The following PTPN21 variants were observed in gnomAD, a reference collection of about 807,000 sequenced individuals.
PTPN21 encodes the protein tyrosine-protein phosphatase non-receptor type 21.
PTPN21 carries 77 observed loss-of-function variants against 131.8 expected under a neutral mutation model. That is an observed-to-expected ratio of 0.58 (90% confidence interval 0.49 to 0.71). The LOEUF (loss-of-function observed/expected upper bound fraction) is 0.71, where lower values mean the gene tolerates loss of function less well. Among genes scored for constraint, PTPN21 ranks in the 30% least tolerant of loss-of-function variants. The pLI is 0.00. For missense variants in PTPN21, 1,552 were observed against 1,527.1 expected (o/e 1.02, Z -0.27); for synonymous variants, 715 against 621.3 (o/e 1.15, Z -2.24).
intron 3 of PTPN21, 85 bp from the exon 4 acceptor site, chr14:88,508,105 G>T: frequency 1.5e-6 from 1 of 663,250 alleles, no homozygotes; most frequent in Non-Finnish European, 2.4e-6. Flanking sequence ...TGGTAGAGAA[G>T]CATAAACCAG....
chr14:88,528,934 G>A (rs919863058), intron 2 of PTPN21, among the ~76,000 whole-genome samples: 9 of 152,062 alleles, frequency 5.9e-5, no homozygotes, highest in African/African-American at 2.4e-5. Context: ...GAATAGAGAC[G>A]GTTTGACTTC....
Position 88,503,669 on chromosome 14 carries a change from G to A in PTPN21, c.587+756C>T, listed in dbSNP as rs1386325691. On this transcript the variant is annotated intron_variant, in intron 6 of 18. Coordinates refer to ENST00000556564, the MANE Select transcript of PTPN21 (RefSeq NM_007039.4). ...CCGTATGCTAACATAAGTGTTCTGA[G>A]AACACGTAGGGTAGGTTAGGGTAAG... 3.3e-5 allele frequency among the ~76,000 whole-genome samples: 5 copies of A among 152,230 alleles called. No individual in the cohort carries two copies. The East Asian group carries it at 9.7e-4, about 29-fold the overall frequency.
At chr14:88,477,386 T>A (rs371330599) in intron 13 of PTPN21, among the ~76,000 whole-genome samples, 1 of 137,702 alleles carries the variant, frequency 7.3e-6, no homozygotes, top group Non-Finnish European at 1.5e-5. Context: ...GAGGCAGAGG[T>A]TGCAGTGAAC....
In PTPN21 at chr14:88,531,177, C is replaced by T. The variant is rs190192749; in HGVS notation, c.181-13916G>A. Among the ~76,000 whole-genome samples the T allele has an allele frequency of 1.2e-4, 19 of 152,200 alleles. No individual in the cohort carries two copies. In the East Asian group the frequency reaches 3.7e-3, roughly 29 times the overall value. On this transcript the variant is annotated intron_variant, in intron 2 of 18. Coordinates refer to ENST00000556564, the MANE Select transcript of PTPN21 (RefSeq NM_007039.4). ...AAATAAATGGAAATTAAATAATATG[C>T]TCCTGAATAATTTTGAATCAACAAC...
At position 88,479,545 on chromosome 14, in the gene PTPN21, T is replaced by TGGCGCGC. The variant is rs762631619; in HGVS notation, c.1879_1885dup (p.His629ArgfsTer72). The stretch of plus-strand genomic sequence containing the variant: ...GCTGTTCCGTTTGTGCAGCTGCGCG[T>TGGCGCGC]GGCGCGCGGCGGTGAGGGGCTCGCT... On this transcript the variant is annotated frameshift_variant, in exon 13 of 19. Coordinates refer to ENST00000556564, the MANE Select transcript of PTPN21 (RefSeq NM_007039.4). LOFTEE classifies it high-confidence loss of function. 6.9e-6 allele frequency: 11 copies of TGGCGCGC among 1,599,522 alleles called. No homozygotes were observed. Among genetic ancestry groups the TGGCGCGC allele is most frequent in the African/African-American group, 1.3e-5 (1 of 75,000 alleles).
chr14:88,495,210 TA>T (rs1428130914), intron 10 of PTPN21, among the ~76,000 whole-genome samples: 1 of 151,986 alleles, frequency 6.6e-6, no homozygotes, highest in East Asian at 1.9e-4. Context: ...ACACGAGTGG[TA>T]AAAATGGTCA....
chr14:88,532,530 G>A (rs1005593037), intron 2 of PTPN21, among the ~76,000 whole-genome samples: 1 of 152,164 alleles, frequency 6.6e-6, no homozygotes, highest in African/African-American at 2.4e-5. Context: ...AAATGTGTTT[G>A]AGCAATCAAA....
rs1163999762 is a variant in PTPN21 at position 88,550,631 on chromosome 14, G to T, written c.-202-12C>A. On this transcript the variant is annotated splice_polypyrimidine_tract_variant and intron_variant, in intron 1 of 18. Coordinates refer to ENST00000556564, the MANE Select transcript of PTPN21 (RefSeq NM_007039.4). ...CATTGACGCCAGCGCTGGGGAAAGA[G>T]GAACGCCGTTAGTTAAGCAAACGTA... 4.2e-5 allele frequency: 21 copies of T among 497,266 alleles called. No homozygotes were observed. The highest frequency in any genetic ancestry group is 7.1e-5 in the Non-Finnish European group (20 of 282,794). 30.8% of individuals were successfully genotyped at this position (497,266 alleles called of 1,614,324 possible).
intron 13 of PTPN21, among the ~76,000 whole-genome samples, chr14:88,478,012 G>C (rs2077574009): frequency 6.6e-6 from 1 of 152,146 alleles, no homozygotes; most frequent in Admixed American, 6.6e-5. Flanking sequence ...CTAAGTATGG[G>C]TTTAAAATTC....
intron 15 of PTPN21, among the ~76,000 whole-genome samples, chr14:88,470,953 C>T (rs931868260): frequency 1.3e-5 from 2 of 152,184 alleles, no homozygotes; most frequent in Non-Finnish European, 2.9e-5. Flanking sequence ...CTATCAAATT[C>T]TTTCCTCTAT....
intron 2 of PTPN21, among the ~76,000 whole-genome samples, chr14:88,531,681 C>T (rs2078557283): frequency 6.6e-6 from 1 of 152,010 alleles, no homozygotes; most frequent in Admixed American, 6.6e-5. Flanking sequence ...TGAAAGAGCA[C>T]ACAGACAATC....
intron 15 of PTPN21, 104 bp downstream of exon 15, chr14:88,472,140 T>C (rs2077481035): frequency 1.3e-5 from 9 of 697,554 alleles, no homozygotes; most frequent in Non-Finnish European, 2.2e-5. Flanking sequence ...AAAAATAAAT[T>C]TTAAAATATC....
Position 88,525,044 on chromosome 14 carries a change from A to G in PTPN21, c.181-7783T>C, listed in dbSNP as rs181821905. On this transcript the variant is annotated intron_variant, in intron 2 of 18. Coordinates refer to ENST00000556564, the MANE Select transcript of PTPN21 (RefSeq NM_007039.4). ...GACTGCTTGAGCTCAGAAGTTTGAG[A>G]CAATCGTGGACAACATAGTGAAACT... 1.1e-3 allele frequency among the ~76,000 whole-genome samples: 173 copies of G among 152,184 alleles called. 4 individuals are homozygous for G. Among genetic ancestry groups the G allele is most frequent in the African/African-American group, 3.9e-3 (164 of 41,522 alleles).
chr14:88,507,353 T>C (rs746298900), intron 4 of PTPN21, among the ~76,000 whole-genome samples: 5 of 152,182 alleles, frequency 3.3e-5, no homozygotes, highest in Non-Finnish European at 5.9e-5. Flanking sequence ...ATTTTGTCAC[T>C]GTGCAAACAT....
intron 3 of PTPN21, among the ~76,000 whole-genome samples, chr14:88,508,393 C>T (rs991690747): frequency 2.6e-5 from 4 of 152,050 alleles, no homozygotes; most frequent in African/African-American, 9.7e-5. Context: ...TCAGGCAATC[C>T]TAGTGCTTGG....
At chr14:88,539,844 T>C (rs944554871) in intron 2 of PTPN21, among the ~76,000 whole-genome samples, 2 of 152,266 alleles carry the variant, frequency 1.3e-5, no homozygotes, top group Non-Finnish European at 2.9e-5. Flanking sequence ...TGCTTCATTT[T>C]TCTGTTATCA....
chr14:88,519,135 A>T (rs1307079496), intron 2 of PTPN21, among the ~76,000 whole-genome samples: 1 of 152,206 alleles, frequency 6.6e-6, no homozygotes. Context: ...GAAACTGTTA[A>T]GATAAATCAA....
At chr14:88,487,965 C>CAAAAAAAA (rs535857551) in intron 10 of PTPN21, among the ~76,000 whole-genome samples, 5 of 92,528 alleles carry the variant, frequency 5.4e-5, no homozygotes, top group Non-Finnish European at 6.7e-5. Flanking sequence ...GACTCCATCT[C>CAAAAAAAA]AAAAAAAAAA....
rs1237719867 is a variant in PTPN21 at position 88,479,441 on chromosome 14, C to T, written c.1990G>A (p.Val664Met). Residue 664 changes from valine (V) to methionine (M), a missense_variant, in exon 13 of 19, where the codon GTG (valine) becomes ATG (methionine). This residue lies in a region of PTPN21 where 1,016 missense variants were observed against 883.5 expected (regional missense o/e 1.15). Transcript: ENST00000556564. Reference protein sequence around the residue: ...ERTLSASAAEVAPRAVSVGSQ... With the variant: ...ERTLSASAAEMAPRAVSVGSQ... ...CCCACCGAGACGGCTCGCGGCGCCA[C>T]CTCTGCCGCCGACGCGGATAGGGTG... 4 of 1,601,938 alleles carry T rather than the reference C, an allele frequency of 2.5e-6. No homozygotes were observed. In the Admixed American group the frequency reaches 5.1e-5, roughly 20 times the overall value.
Sources: allele counts gnomAD v4.1 joint callset (sites outside exome capture counted in the v4.1 genomes callset), GRCh38; gene constraint gnomAD v4.1.1; regional missense constraint gnomAD v4.1.1; transcripts MANE v1.5; gene names NCBI Gene and HGNC (gene_info 2026-07-23, HGNC 2026-07-21).